Variants in ZBBX observed in about 807,000 individuals in gnomAD.
The protein encoded by ZBBX is zinc finger B-box domain-containing protein 1.
Under a neutral mutation model 108.5 loss-of-function variants are expected in ZBBX, and 101 were observed. The observed-to-expected ratio is 0.93, with a 90% CI of 0.79 to 1.10. The LOEUF is 1.10. ZBBX is among the 50% of genes least tolerant of loss of function. The pLI is 0.00. For synonymous variants in ZBBX, 356 were observed against 323.4 expected, an observed-to-expected ratio of 1.10 and a Z score of -1.08; for missense variants, 1,009 against 941.4, an observed-to-expected ratio of 1.07 and a Z score of -0.94.
chr3:167,255,887 A>G (rs762869281), intron 20 of ZBBX, among the ~76,000 whole-genome samples: 1 of 151,954 alleles, frequency 6.6e-6, no homozygotes. Flanking sequence ...TCTATCTGAC[A>G]CTAAGTCTTA....
chr3:167,201,074 G>A, the ZBBX span, among the ~76,000 whole-genome samples: 37 of 152,232 alleles, frequency 2.4e-4, 1 homozygote, highest in Middle Eastern at 6.8e-3. Flanking sequence ...AAAATCCCCT[G>A]TATGTTGAAT....
chr3:167,382,389 T>G (rs1013203192), upstream of ZBBX, among the ~76,000 whole-genome samples: 9 of 152,156 alleles, frequency 5.9e-5, no homozygotes, highest in African/African-American at 2.2e-4. Flanking sequence ...TGCGTTTAAC[T>G]GGCACACCAG....
chr3:167,325,372 G>A (rs1385076239), intron 11 of ZBBX, among the ~76,000 whole-genome samples: 1 of 152,104 alleles, frequency 6.6e-6, no homozygotes, highest in Non-Finnish European at 1.5e-5. Flanking sequence ...GAGAGAGCTT[G>A]TGCAGGGAAC....
chr3:167,247,923 G>A (rs373160459), intron 20 of ZBBX, among the ~76,000 whole-genome samples: 35 of 152,312 alleles, frequency 2.3e-4, no homozygotes, highest in African/African-American at 8.2e-4. Flanking sequence ...TTACCAGCCA[G>A]TCAAAATTCC....
intron 16 of ZBBX, among the ~76,000 whole-genome samples, chr3:167,311,823 T>G (rs1734632369): frequency 6.6e-6 from 1 of 152,162 alleles, no homozygotes; most frequent in African/African-American, 2.4e-5. Flanking sequence ...TTTCATTAAT[T>G]GCTGGTGGGA....
chr3:167,299,032 T>G (rs993114662), intron 17 of ZBBX, among the ~76,000 whole-genome samples: 1 of 152,052 alleles, frequency 6.6e-6, no homozygotes, highest in Non-Finnish European at 1.5e-5. Context: ...GTCTGCCTGA[T>G]TTGAAACCTA....
chr3:167,242,392 A>G, intron 21 of ZBBX, 113 bp downstream of exon 21: 1 of 876,200 alleles, frequency 1.1e-6, no homozygotes, highest in Non-Finnish European at 1.7e-6. Context: ...GAATGATCAT[A>G]TAAAGTATAC....
At chr3:167,235,537 T>C (rs1401155407), downstream of ZBBX, among the ~76,000 whole-genome samples, 1 of 151,500 alleles carries the variant, frequency 6.6e-6, no homozygotes, top group East Asian at 1.9e-4. Flanking sequence ...AATATATATA[T>C]ATATATTCTT....
At chr3:167,400,947 G>A (rs905540658) in intron 1 of ZBBX, among the ~76,000 whole-genome samples, 15 of 152,120 alleles carry the variant, frequency 9.9e-5, no homozygotes, top group African/African-American at 3.4e-4. Flanking sequence ...TAGAATGGGA[G>A]GGAGGTTTGC....
the ZBBX span, among the ~76,000 whole-genome samples, chr3:167,191,934 T>TATATATAGAGAGAGAGAGAG: frequency 7.7e-5 from 10 of 130,218 alleles, no homozygotes; most frequent in African/African-American, 3.0e-4. Context: ...TATATATATA[T>TATATATAGAGAGAGAGAGAG]AGAGCAAGTT....
chr3:167,329,449 C>G (rs73028628), intron 10 of ZBBX, among the ~76,000 whole-genome samples: 3,391 of 152,236 alleles, frequency 0.022, 132 homozygotes, highest in African/African-American at 0.078. Flanking sequence ...CAAAAAGTAT[C>G]TGAGGACCTG....
intron 18 of ZBBX, among the ~76,000 whole-genome samples, chr3:167,294,309 C>T (rs1731248542): frequency 6.6e-6 from 1 of 152,130 alleles, no homozygotes; most frequent in Non-Finnish European, 1.5e-5. Flanking sequence ...TACAAGGCTA[C>T]AGTAACCCAA....
At chr3:167,235,341 T>C (rs1720189986), downstream of ZBBX, among the ~76,000 whole-genome samples, 2 of 151,622 alleles carry the variant, frequency 1.3e-5, no homozygotes, top group Non-Finnish European at 3.0e-5. Flanking sequence ...TGTTATCCTA[T>C]AAAAATTTGA....
At chr3:167,253,621 C>T (rs572388064) in intron 20 of ZBBX, among the ~76,000 whole-genome samples, 18 of 152,014 alleles carry the variant, frequency 1.2e-4, no homozygotes, top group South Asian at 2.1e-4. Flanking sequence ...ATACAGAACC[C>T]GCAAACAGTA....
intron 20 of ZBBX, among the ~76,000 whole-genome samples, chr3:167,279,840 T>C (rs1000499575): frequency 1.3e-5 from 2 of 152,132 alleles, no homozygotes; most frequent in African/African-American, 4.8e-5. Context: ...CTACCTGACT[T>C]CAAACTGTAC....
Position 167,242,563 on chromosome 3 carries a change from A to G in ZBBX, c.2335T>C (p.Ser779Pro). Residue 779 changes from serine (S) to proline (P), a missense_variant, in exon 21 of 22, where the codon TCC becomes CCC. By Grantham distance (74) the Ser-to-Pro change is moderately conservative (BLOSUM62 -1). Coordinates refer to ENST00000675490, the MANE Select transcript of ZBBX (RefSeq NM_001199201.2). ...TGTGAGGTCTTAAGGAAATCTGTGGAAATCTGACTTATATTCAGTGATTGG... is the reference window on the plus strand; with the variant it reads ...TGTGAGGTCTTAAGGAAATCTGTGGGAATCTGACTTATATTCAGTGATTGG... ...SSQSLNISQI[S>P]TDFLKTSHVR... The G allele has an allele frequency of 6.2e-7, 1 of 1,613,730 alleles. No individual in the cohort carries two copies. Among genetic ancestry groups the G allele is most frequent in the Non-Finnish European group, 8.5e-7 (1 of 1,179,820 alleles).
the ZBBX span, among the ~76,000 whole-genome samples, chr3:167,213,012 G>A: frequency 6.6e-6 from 1 of 152,108 alleles, no homozygotes; most frequent in East Asian, 1.9e-4. Context: ...TCAGCCAGGC[G>A]AAAACATCAA....
the ZBBX span, among the ~76,000 whole-genome samples, chr3:167,204,302 A>G: frequency 1.4e-5 from 2 of 140,570 alleles, no homozygotes; most frequent in African/African-American, 2.7e-5. Flanking sequence ...CAGGTTAGTT[A>G]CATATGTATA....
At chr3:167,306,030 G>T in intron 16 of ZBBX, 80 bp from the exon 17 acceptor site, 1 of 1,215,024 alleles carries the variant, frequency 8.2e-7, no homozygotes, top group Non-Finnish European at 1.1e-6. Flanking sequence ...CAAAAGTTCT[G>T]TGGTAAAAAA....
Sources: allele counts gnomAD v4.1 joint callset (sites outside exome capture counted in the v4.1 genomes callset), GRCh38; gene constraint gnomAD v4.1.1; transcripts MANE v1.5; gene names NCBI Gene and HGNC (gene_info 2026-07-23, HGNC 2026-07-21).